Variants in SEMA3E observed in about 807,000 individuals in gnomAD.
SEMA3E encodes the protein semaphorin 3E.
Under a neutral mutation model 93.6 loss-of-function variants are expected in SEMA3E, and 49 were observed. That is an observed-to-expected ratio of 0.52 (90% CI 0.42 to 0.66). The LOEUF (loss-of-function observed/expected upper bound fraction) is 0.66, where lower values mean the gene tolerates loss of function less well. Ranked by LOEUF, SEMA3E falls within the 30% of genes least tolerant of loss-of-function variation. SEMA3E has a pLI of 0.00. For synonymous variants in SEMA3E, 363 were observed against 330.7 expected (o/e 1.10, Z -1.06); for missense variants, 906 against 964.8 (o/e 0.94, Z 0.81).
chr7:83,416,984 T>C (rs1238842849), intron 5 of SEMA3E, among the ~76,000 whole-genome samples: 2 of 113,762 alleles, frequency 1.8e-5, no homozygotes, highest in African/African-American at 2.8e-5. Context: ...ACTCTGTTTA[T>C]ACACACACAC....
chr7:83,433,399 A>C (rs1313012367), intron 4 of SEMA3E, among the ~76,000 whole-genome samples: 1 of 152,132 alleles, frequency 6.6e-6, no homozygotes, highest in Admixed American at 6.5e-5. Context: ...GACTGTTTAC[A>C]ACATTGACTC....
intron 6 of SEMA3E, 94 bp downstream of exon 6, chr7:83,408,274 T>C (rs1584227857): frequency 2.1e-6 from 3 of 1,417,102 alleles, no homozygotes; most frequent in Non-Finnish European, 3.0e-6. Flanking sequence ...AGGAATTGTA[T>C]TTATATTCTT....
At chr7:83,454,854 C>T (rs913119950) in intron 4 of SEMA3E, among the ~76,000 whole-genome samples, 1 of 152,282 alleles carries the variant, frequency 6.6e-6, no homozygotes, top group East Asian at 1.9e-4. Context: ...CCTGCTGTCA[C>T]ATTACAAAAT....
At chr7:83,535,941 T>G (rs1660673707) in intron 1 of SEMA3E, among the ~76,000 whole-genome samples, 1 of 152,082 alleles carries the variant, frequency 6.6e-6, no homozygotes, top group South Asian at 2.1e-4. Context: ...TGTGGAAAGA[T>G]TAATAAAACC....
chr7:83,469,497 T>C (rs190259477), intron 2 of SEMA3E, among the ~76,000 whole-genome samples, 195 bp from the exon 3 acceptor site: 13 of 152,138 alleles, frequency 8.5e-5, no homozygotes, highest in Non-Finnish European at 1.8e-4. Context: ...GGGCTTTTAC[T>C]TTATGATAAA....
chr7:83,603,832 T>C (rs1793047861), intron 1 of SEMA3E, among the ~76,000 whole-genome samples: 2 of 152,200 alleles, frequency 1.3e-5, no homozygotes, highest in South Asian at 4.1e-4. Flanking sequence ...AACACAACAG[T>C]ACTTGTAACA....
At chr7:83,428,481 CAAAT>C (rs766977681) in intron 4 of SEMA3E, among the ~76,000 whole-genome samples, 84 of 152,206 alleles carry the variant, frequency 5.5e-4, no homozygotes, top group Admixed American at 1.6e-3. Context: ...CACAATGTCT[CAAAT>C]AAATAAACAT....
chr7:83,600,486 A>ATTTTTTTTTTTTTTTTTTTTTTTT, intron 1 of SEMA3E, among the ~76,000 whole-genome samples: 1 of 63,050 alleles, frequency 1.6e-5, no homozygotes, highest in Non-Finnish European at 3.0e-5. Flanking sequence ...CGCCCAGCTA[A>ATTTTTTTTTTTTTTTTTTTTTTTT]TTTTTTTTTT....
chr7:83,612,213 C>T (rs1374578606), intron 1 of SEMA3E, among the ~76,000 whole-genome samples: 1 of 152,128 alleles, frequency 6.6e-6, no homozygotes, highest in Non-Finnish European at 1.5e-5. Flanking sequence ...ATTCAGAGTA[C>T]TACTCAACCA....
chr7:83,477,392 T>A (rs1010233949), intron 2 of SEMA3E, among the ~76,000 whole-genome samples: 4 of 152,070 alleles, frequency 2.6e-5, no homozygotes, highest in Admixed American at 2.0e-4. Context: ...ATAGATCCTA[T>A]AAATATTATT....
intron 16 of SEMA3E, among the ~76,000 whole-genome samples, chr7:83,375,088 A>G (rs1200292048): frequency 2.0e-5 from 3 of 152,150 alleles, no homozygotes; most frequent in Non-Finnish European, 4.4e-5. Context: ...ATAGATAAGA[A>G]TCTCAGACTG....
intron 2 of SEMA3E, among the ~76,000 whole-genome samples, chr7:83,483,035 T>A (rs1348515105): frequency 6.6e-6 from 1 of 151,772 alleles, no homozygotes; most frequent in Admixed American, 6.6e-5. Context: ...AAATTTAGAA[T>A]GCTTTCTAAA....
At chr7:83,555,261 T>G (rs900015551) in intron 1 of SEMA3E, among the ~76,000 whole-genome samples, 5 of 152,196 alleles carry the variant, frequency 3.3e-5, no homozygotes, top group African/African-American at 1.2e-4. Flanking sequence ...AAAGTTGAAG[T>G]GTCCCAGACG....
chr7:83,625,196 T>C (rs1300589707), intron 1 of SEMA3E, among the ~76,000 whole-genome samples: 1 of 152,210 alleles, frequency 6.6e-6, no homozygotes, highest in Admixed American at 6.5e-5. Context: ...TAGGATTGTC[T>C]TGGCTATATG....
chr7:83,440,498 CA>C (rs1232394334), intron 4 of SEMA3E, among the ~76,000 whole-genome samples: 1 of 152,164 alleles, frequency 6.6e-6, no homozygotes, highest in Non-Finnish European at 1.5e-5. Flanking sequence ...ATTTTATCCT[CA>C]TTTTATAAAT....
intron 10 of SEMA3E, 32 bp downstream of exon 10, chr7:83,402,594 TTAAAAA>T (rs1427640612): frequency 6.3e-7 from 1 of 1,581,990 alleles, no homozygotes; most frequent in Non-Finnish European, 8.7e-7. Flanking sequence ...AAAAGTATAC[TTAAAAA>T]TAAGAATTAT....
At chr7:83,507,422 C>CTGTG (rs1491470723) in intron 1 of SEMA3E, among the ~76,000 whole-genome samples, 1 of 102,350 alleles carries the variant, frequency 9.8e-6, no homozygotes, top group East Asian at 3.4e-4. Context: ...CAAAACAGAA[C>CTGTG]TCTGTGTGTG....
chr7:83,459,450 T>C (rs1562791442), intron 4 of SEMA3E, among the ~76,000 whole-genome samples: 1 of 152,238 alleles, frequency 6.6e-6, no homozygotes, highest in Non-Finnish European at 1.5e-5. Context: ...ATTCTGACTG[T>C]GTATATACAT....
chr7:83,534,441 C>T (rs9642161), intron 1 of SEMA3E, among the ~76,000 whole-genome samples: 80,084 of 151,982 alleles, frequency 0.53, 23,435 homozygotes, highest in Middle Eastern at 0.7. Context: ...TTTTCATTTA[C>T]AATCATTATA....
Sources: allele counts gnomAD v4.1 joint callset (sites outside exome capture counted in the v4.1 genomes callset), GRCh38; gene constraint gnomAD v4.1.1; transcripts MANE v1.5; gene names NCBI Gene and HGNC (gene_info 2026-07-23, HGNC 2026-07-21).